The following KIRREL3 variants were observed in gnomAD, a reference collection of about 807,000 sequenced individuals.
KIRREL3 encodes kin of IRRE-like protein 3.
KIRREL3 carries 36 observed loss-of-function variants against 89.7 expected under a neutral mutation model. That is an observed-to-expected ratio of 0.40 (90% CI 0.31 to 0.53). The LOEUF (loss-of-function observed/expected upper bound fraction) is 0.53. Ranked by LOEUF, KIRREL3 falls within the 20% of genes least tolerant of loss-of-function variation. The probability of loss-of-function intolerance (pLI) is 0.49; values close to 1 mark genes in which losing one functional copy is unlikely to be tolerated. For missense variants in KIRREL3, 864 were observed against 1,056.6 expected (o/e 0.82, Z 2.53); for synonymous variants, 445 against 441.4 (o/e 1.01, Z -0.10).
Position 126,587,549 on chromosome 11 carries a change from T to TGTATGTG in KIRREL3, c.56-24644_56-24638dup, listed in dbSNP as rs1485054176. 6.6e-6 allele frequency among the ~76,000 whole-genome samples: 1 copy of TGTATGTG among 152,098 alleles called. No individual in the cohort carries two copies. The highest frequency in any genetic ancestry group is 2.4e-5 in the African/African-American group (1 of 41,396). ...GCTCTCGACTCCCCCAGCCTTTCAT[T>TGTATGTG]GTATGTGGAAGAGGAGCCAGAAATG... On this transcript the variant is annotated intron_variant, in intron 1 of 16. Transcript: ENST00000525144. The surrounding 1 kb of genome is among the most constrained non-coding windows in gnomAD (Gnocchi z 5.2).
In KIRREL3 at chr11:126,523,645, G is replaced by A. The variant is rs548384187; in HGVS notation, c.284-2181C>T. On this transcript the variant is annotated intron_variant, in intron 3 of 16. Coordinates refer to ENST00000525144, the MANE Select transcript of KIRREL3 (RefSeq NM_032531.4). This position sits in a 1 kb window ranked among gnomAD's most constrained non-coding sequence, Gnocchi z 4.9. ...TGCTGGGCTTTGGGAATGAGCCCAGGTAAGTTAAGCTGTCTCCCCCCAGGG... is the reference window on the plus strand; with the variant it reads ...TGCTGGGCTTTGGGAATGAGCCCAGATAAGTTAAGCTGTCTCCCCCCAGGG... Among the ~76,000 whole-genome samples the A allele has an allele frequency of 6.6e-6, 1 of 152,104 alleles. No homozygotes were observed. The highest frequency in any genetic ancestry group is 1.5e-5 in the Non-Finnish European group (1 of 68,024).
In KIRREL3 at chr11:126,425,617, A is replaced by G. The variant is rs181078965; in HGVS notation, c.1893+21T>C. On this transcript the variant is annotated intron_variant, in intron 16 of 16. Coordinates refer to ENST00000525144, the MANE Select transcript of KIRREL3 (RefSeq NM_032531.4). ...AGACCAGATTCCATGGCTGTGTCTT[A>G]TAACCCGGGGCCCTTCTTACCTTCA... is the stretch of plus-strand genomic sequence containing the variant. 4.2e-5 allele frequency: 66 copies of G among 1,555,812 alleles called. No homozygotes were observed. In the Admixed American group the frequency reaches 1.2e-3, roughly 29 times the overall value.
intron 1 of KIRREL3, among the ~76,000 whole-genome samples, chr11:126,982,834 A>G (rs548330570): frequency 6.6e-6 from 1 of 152,314 alleles, no homozygotes; most frequent in African/African-American, 2.4e-5. Flanking sequence ...TCTCTATTTC[A>G]TCTCAACTAC....
chr11:126,694,933 T>G lies in KIRREL3; in HGVS notation c.56-132021A>C, dbSNP rs189432636. ...AAGAATGAAGGCTCCCTCACTCCTTTGCTTTGATTGGGAGATGAGATGCGA... is the reference window on the plus strand; with the variant it reads ...AAGAATGAAGGCTCCCTCACTCCTTGGCTTTGATTGGGAGATGAGATGCGA... On this transcript the variant is annotated intron_variant, in intron 1 of 16. Coordinates refer to ENST00000525144, the MANE Select transcript of KIRREL3 (RefSeq NM_032531.4). This position sits in a 1 kb window ranked among gnomAD's most constrained non-coding sequence, Gnocchi z 4.4. Among the ~76,000 whole-genome samples the G allele has an allele frequency of 6.6e-6, 1 of 152,340 alleles. No homozygotes were observed. Among genetic ancestry groups the G allele is most frequent in the East Asian group, 1.9e-4 (1 of 5,184 alleles).
At position 126,668,752 on chromosome 11, in the gene KIRREL3, T is replaced by TCTTTCTTC. The variant is rs2135048604; in HGVS notation, c.56-105841_56-105840insGAAGAAAG. ...TTCTTTCTTTCTTTCTTTCTTTCTTTCTTTTTTCTCTTTCTTTCTTTCAAA... is the reference window on the plus strand; with the variant it reads ...TTCTTTCTTTCTTTCTTTCTTTCTTTCTTTCTTCCTTTTTTCTCTTTCTTTCTTTCAAA... On this transcript the variant is annotated intron_variant, in intron 1 of 16. Coordinates refer to ENST00000525144, the MANE Select transcript of KIRREL3 (RefSeq NM_032531.4). The surrounding 1 kb of genome is among the most constrained non-coding windows in gnomAD (Gnocchi z 4.4). Among the ~76,000 whole-genome samples, 1 of 145,502 alleles carries TCTTTCTTC rather than the reference T, an allele frequency of 6.9e-6. No homozygotes were observed. The highest frequency in any genetic ancestry group is 2.4e-4 in the South Asian group (1 of 4,240).
At position 126,564,289 on chromosome 11, in the gene KIRREL3, C is replaced by T. The variant is rs905323150; in HGVS notation, c.56-1377G>A. ...TTCCTCTTTCTCCTCTTCCATCCAC[C>T]GTCTGCAGCCCAGGTCCACCCACCA... On this transcript the variant is annotated intron_variant, in intron 1 of 16. Coordinates refer to ENST00000525144, the MANE Select transcript of KIRREL3 (RefSeq NM_032531.4). This position sits in a 1 kb window ranked among gnomAD's most constrained non-coding sequence, Gnocchi z 7.4. Among the ~76,000 whole-genome samples the T allele has an allele frequency of 3.3e-5, 5 of 152,198 alleles. No individual in the cohort carries two copies. The highest frequency in any genetic ancestry group is 5.9e-5 in the Non-Finnish European group (4 of 68,032).
rs972397242 is a variant in KIRREL3, at chr11:126,715,729, G to A, written c.56-152817C>T. ...GCAAAAGGAGGAAAGAGAATGCGGGGGAGGCAAACATCAGAGAGACTGCAC... is the reference window on the plus strand; with the variant it reads ...GCAAAAGGAGGAAAGAGAATGCGGGAGAGGCAAACATCAGAGAGACTGCAC... On this transcript the variant is annotated intron_variant, in intron 1 of 16. Coordinates refer to ENST00000525144, the MANE Select transcript of KIRREL3 (RefSeq NM_032531.4). This position sits in a 1 kb window ranked among gnomAD's most constrained non-coding sequence, Gnocchi z 4.4. Among the ~76,000 whole-genome samples, 2 of 152,158 alleles carry A rather than the reference G, an allele frequency of 1.3e-5. No homozygotes were observed. Among genetic ancestry groups the A allele is most frequent in the African/African-American group, 4.8e-5 (2 of 41,446 alleles).
rs559958202 is a variant in KIRREL3 at position 126,645,127 on chromosome 11, G to A, written c.56-82215C>T. Among the ~76,000 whole-genome samples, 16 of 152,286 alleles carry A rather than the reference G, an allele frequency of 1.1e-4. No homozygotes were observed. Among genetic ancestry groups the A allele is most frequent in the African/African-American group, 3.4e-4 (14 of 41,542 alleles). On this transcript the variant is annotated intron_variant, in intron 1 of 16. Transcript: ENST00000525144. The surrounding 1 kb of genome is among the most constrained non-coding windows in gnomAD (Gnocchi z 4.9). ...ATATTCTGAATATATCGCAAGAGGG[G>A]TGCAGACTGGGCGTTATGAAGGAAA...
chr11:126,667,272 C>A (rs1945706573), intron 1 of KIRREL3, among the ~76,000 whole-genome samples: 1 of 152,194 alleles, frequency 6.6e-6, no homozygotes, highest in South Asian at 2.1e-4. Flanking sequence ...TTGCAAATAT[C>A]TTTCAGAAGT....
At position 126,565,956 on chromosome 11, in the gene KIRREL3, T is replaced by C. The variant is rs4937152; in HGVS notation, c.56-3044A>G. ...GGAATCTCTCTCTTTGTGAGGTAGA[T>C]CAGCCACCACCAGACTGTCACCTTC... On this transcript the variant is annotated intron_variant, in intron 1 of 16. Coordinates refer to ENST00000525144, the MANE Select transcript of KIRREL3 (RefSeq NM_032531.4). The surrounding 1 kb of genome is among the most constrained non-coding windows in gnomAD (Gnocchi z 5.4). Among the ~76,000 whole-genome samples, 45,004 of 151,934 alleles carry C rather than the reference T, an allele frequency of 0.3. 6,964 individuals are homozygous for C. The highest frequency in any genetic ancestry group is 0.54 in the East Asian group (2,787 of 5,138).
At chr11:126,823,317 A>G (rs1592179221) in intron 1 of KIRREL3, among the ~76,000 whole-genome samples, 1 of 152,150 alleles carries the variant, frequency 6.6e-6, no homozygotes, top group African/African-American at 2.4e-5. Flanking sequence ...TGGGGGTGCA[A>G]TTGAAAGTTG....
intron 1 of KIRREL3, among the ~76,000 whole-genome samples, chr11:126,988,960 G>C (rs1014564418): frequency 6.6e-6 from 1 of 152,014 alleles, no homozygotes; most frequent in Non-Finnish European, 1.5e-5. Context: ...TTCTATTAAG[G>C]TATCCCAAAA....
chr11:126,820,128 T>A (rs939524), intron 1 of KIRREL3, among the ~76,000 whole-genome samples: 131,140 of 151,910 alleles, frequency 0.86, 56,949 homozygotes, highest in East Asian at 1. Flanking sequence ...AGCAGAAAAA[T>A]CCCCCTGCCC....
chr11:126,989,754 C>T lies in KIRREL3; in HGVS notation c.55+10701G>A, dbSNP rs1193468067. Among the ~76,000 whole-genome samples, 2 of 152,174 alleles carry T rather than the reference C, an allele frequency of 1.3e-5. No homozygotes were observed. Among genetic ancestry groups the T allele is most frequent in the Non-Finnish European group, 2.9e-5 (2 of 68,038 alleles). On this transcript the variant is annotated intron_variant, in intron 1 of 16. Transcript: ENST00000525144. This position sits in a 1 kb window ranked among gnomAD's most constrained non-coding sequence, Gnocchi z 6.2. Reference sequence around the variant, plus strand: ...AGTCTTAGGGCCAACAGGGTTCCCCCGGTGTCTCTCCTGCAGCATGAAGGC... The same window carrying T: ...AGTCTTAGGGCCAACAGGGTTCCCCTGGTGTCTCTCCTGCAGCATGAAGGC...
chr11:126,612,985 T>C lies in KIRREL3; in HGVS notation c.56-50073A>G, dbSNP rs541362388. 5.3e-5 allele frequency among the ~76,000 whole-genome samples: 8 copies of C among 152,348 alleles called. No individual in the cohort carries two copies. The South Asian group carries it at 1.2e-3, about 24-fold the overall frequency. On this transcript the variant is annotated intron_variant, in intron 1 of 16. Coordinates refer to ENST00000525144, the MANE Select transcript of KIRREL3 (RefSeq NM_032531.4). This position sits in a 1 kb window ranked among gnomAD's most constrained non-coding sequence, Gnocchi z 4.5. ...GTGTGAACGTATGTTTTCAGTACTC[T>C]TGGGTATATACTTAGAAGTGGGATC...
chr11:126,449,704 A>C (rs753391673), intron 7 of KIRREL3, among the ~76,000 whole-genome samples: 1 of 152,246 alleles, frequency 6.6e-6, no homozygotes, highest in African/African-American at 2.4e-5. Context: ...TCTCCCGTCC[A>C]AACAGTGGAA....
chr11:126,933,335 C>T (rs1948036548), intron 1 of KIRREL3, among the ~76,000 whole-genome samples: 1 of 151,808 alleles, frequency 6.6e-6, no homozygotes, highest in Non-Finnish European at 1.5e-5. Context: ...TCATTGCAGC[C>T]TAATGAGGGA....
rs1951403553 is a variant in KIRREL3, at chr11:126,811,948, C to A, written c.55+188507G>T. On this transcript the variant is annotated intron_variant, in intron 1 of 16. Transcript: ENST00000525144. This position sits in a 1 kb window ranked among gnomAD's most constrained non-coding sequence, Gnocchi z 4.3. ...CAAACATTAATTTACAGTCAAGAGA[C>A]AATCTCTGAATTCAGCCCTCCCCGT... Among the ~76,000 whole-genome samples, 1 of 152,190 alleles carries A rather than the reference C, an allele frequency of 6.6e-6. No individual in the cohort carries two copies. Among genetic ancestry groups the A allele is most frequent in the Admixed American group, 6.5e-5 (1 of 15,280 alleles).
intron 1 of KIRREL3, among the ~76,000 whole-genome samples, chr11:126,670,476 A>C (rs1591924947): frequency 6.6e-6 from 1 of 152,228 alleles, no homozygotes; most frequent in Non-Finnish European, 1.5e-5. Flanking sequence ...AGTAAAAGAA[A>C]TAAAAAGTGT....
Sources: allele counts gnomAD v4.1 joint callset (sites outside exome capture counted in the v4.1 genomes callset), GRCh38; gene constraint gnomAD v4.1.1; non-coding constraint Gnocchi (gnomAD v3.1); transcripts MANE v1.5; gene names NCBI Gene and HGNC (gene_info 2026-07-23, HGNC 2026-07-21).